The following RPA1 variants were observed in gnomAD, a reference collection of about 807,000 sequenced individuals.
The protein encoded by RPA1 is replication protein A 70 kDa DNA-binding subunit.
Under a neutral mutation model 83.0 loss-of-function variants are expected in RPA1, and 49 were observed. That is an observed-to-expected ratio of 0.59 (90% CI 0.47 to 0.75). The LOEUF (loss-of-function observed/expected upper bound fraction) is 0.75. Ranked by LOEUF, RPA1 falls within the 30% of genes least tolerant of loss-of-function variation. The pLI, the probability that RPA1 is intolerant of heterozygous loss-of-function variation, is 0.00. For missense variants in RPA1, 693 were observed against 776.1 expected (o/e 0.89, Z 1.27); for synonymous variants, 279 against 281.8 (o/e 0.99, Z 0.10).
At position 1,886,889 on chromosome 17, in the gene RPA1, G is replaced by A. The variant is rs531679216; in HGVS notation, c.1375-1786G>A. 2.6e-5 allele frequency among the ~76,000 whole-genome samples: 4 copies of A among 151,984 alleles called. No individual in the cohort carries two copies. The South Asian group carries it at 8.3e-4, about 32-fold the overall frequency. The stretch of plus-strand genomic sequence containing the variant: ...TTGCCTGGCTGGTATCGAACTCCTT[G>A]GCTTAGGCAATCATGTTGCCTCTGC... On this transcript the variant is annotated intron_variant, in intron 13 of 16. Transcript: ENST00000254719.
At chr17:1,878,473 G>A (rs549325544) in intron 8 of RPA1, among the ~76,000 whole-genome samples, 7 of 152,100 alleles carry the variant, frequency 4.6e-5, no homozygotes, top group Non-Finnish European at 1.0e-4. Flanking sequence ...GTAAATTTTG[G>A]CTGACAGAAA....
chr17:1,863,467 C>G (rs1476939648), intron 5 of RPA1, among the ~76,000 whole-genome samples: 1 of 152,128 alleles, frequency 6.6e-6, no homozygotes, highest in Non-Finnish European at 1.5e-5. Flanking sequence ...CCCACCTTGG[C>G]CTCCCAAAGT....
intron 1 of RPA1, among the ~76,000 whole-genome samples, chr17:1,840,372 C>T (rs767644246): frequency 9.9e-5 from 15 of 151,756 alleles, no homozygotes; most frequent in East Asian, 5.9e-4. Context: ...CTGCAACCTC[C>T]GCCTCCCAGG....
intron 5 of RPA1, among the ~76,000 whole-genome samples, chr17:1,868,694 G>A (rs182692388): frequency 3.7e-4 from 56 of 152,162 alleles, no homozygotes; most frequent in African/African-American, 1.0e-3. Flanking sequence ...AGTTGAGATC[G>A]CGCCACTGCC....
At chr17:1,878,766 C>T (rs55965355) in intron 8 of RPA1, among the ~76,000 whole-genome samples, 1,543 of 152,308 alleles carry the variant, frequency 0.01, 32 homozygotes, top group African/African-American at 0.036. Flanking sequence ...GATCGGCTAG[C>T]TGAAATTCTC....
chr17:1,891,091 C>T (rs928052046), intron 14 of RPA1, among the ~76,000 whole-genome samples: 2 of 152,194 alleles, frequency 1.3e-5, no homozygotes, highest in Non-Finnish European at 2.9e-5. Flanking sequence ...GATGTAAAAT[C>T]GTCAAAATGA....
intron 4 of RPA1, among the ~76,000 whole-genome samples, chr17:1,847,783 G>C (rs1422872123): frequency 6.6e-6 from 1 of 152,094 alleles, no homozygotes; most frequent in East Asian, 1.9e-4. Flanking sequence ...CACTTTGAGA[G>C]GCTGAGGCGG....
chr17:1,846,454 A>G (rs1912260669), intron 4 of RPA1, among the ~76,000 whole-genome samples: 1 of 150,496 alleles, frequency 6.6e-6, no homozygotes, highest in Non-Finnish European at 1.5e-5. Flanking sequence ...AGTAGCTGGG[A>G]CTACAGGCGC....
In RPA1 at chr17:1,847,431, C is replaced by T. The variant is rs921851982; in HGVS notation, c.272+2745C>T. Among the ~76,000 whole-genome samples, 4 of 152,212 alleles carry T rather than the reference C, an allele frequency of 2.6e-5. No homozygotes were observed. The East Asian group carries it at 5.8e-4, about 22-fold the overall frequency. ...CTTCACAGCCCACTCTCTCCAGTCA[C>T]GGAGACAGCTCCACTCCCCTGGGCT... On this transcript the variant is annotated intron_variant, in intron 4 of 16. Transcript: ENST00000254719.
intron 1 of RPA1, among the ~76,000 whole-genome samples, chr17:1,835,307 C>T (rs1752316794): frequency 6.6e-6 from 1 of 151,990 alleles, no homozygotes; most frequent in African/African-American, 2.4e-5. Context: ...TGCCACCATG[C>T]CCAGCTAATT....
chr17:1,832,394 T>C (rs1196393469), intron 1 of RPA1, among the ~76,000 whole-genome samples: 7 of 151,900 alleles, frequency 4.6e-5, no homozygotes, highest in Admixed American at 2.6e-4. Context: ...TTATTTATTT[T>C]TTTTCTTTTT....
intron 4 of RPA1, among the ~76,000 whole-genome samples, chr17:1,848,880 A>G (rs1320440729): frequency 1.3e-5 from 2 of 151,992 alleles, no homozygotes; most frequent in African/African-American, 2.4e-5. Flanking sequence ...TTTTTATGGC[A>G]GAATAATACT....
intron 5 of RPA1, among the ~76,000 whole-genome samples, chr17:1,870,335 T>G (rs757184713): frequency 1.3e-5 from 2 of 152,222 alleles, no homozygotes; most frequent in African/African-American, 2.4e-5. Context: ...ATCACAAGAC[T>G]GTACTGTTAC....
chr17:1,881,274 A>G (rs1340389815), intron 12 of RPA1, among the ~76,000 whole-genome samples: 1 of 152,184 alleles, frequency 6.6e-6, no homozygotes, highest in African/African-American at 2.4e-5. Context: ...GAGACACAGG[A>G]TGCAAGAATT....
Position 1,858,439 on chromosome 17 carries a change from G to C in RPA1, c.361+5250G>C, listed in dbSNP as rs532804403. 8 of 1,439,590 alleles carry C rather than the reference G, an allele frequency of 5.6e-6. No individual in the cohort carries two copies. The African/African-American group carries it at 1.1e-4, about 20-fold the overall frequency. 89.2% of individuals were successfully genotyped at this position (1,439,590 alleles called of 1,614,324 possible). A position where few individuals can be genotyped will look rare whatever the true frequency, so the allele number is the denominator to read the frequency against. On this transcript the variant is annotated intron_variant, in intron 5 of 16. Transcript: ENST00000254719. Reference sequence around the variant, plus strand: ...ACGACCAACGTGTCTCAGCAACAGCGCAGCCATCTTGGGTTCTGGTCTCTC... The same window carrying C: ...ACGACCAACGTGTCTCAGCAACAGCCCAGCCATCTTGGGTTCTGGTCTCTC...
chr17:1,851,444 C>G (rs908718783), intron 4 of RPA1, among the ~76,000 whole-genome samples: 2 of 152,130 alleles, frequency 1.3e-5, no homozygotes, highest in African/African-American at 4.8e-5. Flanking sequence ...TATCCTTCAC[C>G]TTGTGCAGTT....
At chr17:1,875,450 G>A (rs986031670) in intron 6 of RPA1, among the ~76,000 whole-genome samples, 1 of 152,140 alleles carries the variant, frequency 6.6e-6, no homozygotes. Context: ...TGCTGTGTGC[G>A]CAGCCTTCAT....
At chr17:1,843,164 T>C (rs757747365) in intron 2 of RPA1, among the ~76,000 whole-genome samples, 40 of 151,708 alleles carry the variant, frequency 2.6e-4, no homozygotes, top group Non-Finnish European at 5.1e-4. Context: ...CTTGTTCACA[T>C]TGGCCTTTCA....
In RPA1 at chr17:1,880,532, T is replaced by C. The variant is rs1913749385; in HGVS notation, c.1093-11T>C. The stretch of plus-strand genomic sequence containing the variant: ...AGTGACACTTGTATATGTCTGGTGT[T>C]TCTTTTACAGGCTGATAAATTTGAT... On this transcript the variant is annotated splice_polypyrimidine_tract_variant and intron_variant, in intron 11 of 16. Transcript: ENST00000254719. The C allele has an allele frequency of 6.2e-7, 1 of 1,612,384 alleles. No individual in the cohort carries two copies. Among genetic ancestry groups the C allele is most frequent in the South Asian group, 1.1e-5 (1 of 91,022 alleles).
Sources: allele counts gnomAD v4.1 joint callset (sites outside exome capture counted in the v4.1 genomes callset), GRCh38; gene constraint gnomAD v4.1.1; transcripts MANE v1.5; gene names NCBI Gene and HGNC (gene_info 2026-07-23, HGNC 2026-07-21).